DLG1: variants seen among roughly 807,000 people sequenced by gnomAD.
DLG1 encodes the protein disks large homolog 1.
DLG1 carries 42 observed loss-of-function variants against 123.4 expected under a neutral mutation model. The ratio of observed to expected loss-of-function variants is 0.34; its 90% CI spans 0.27 to 0.44. The LOEUF is 0.44. DLG1 is among the 20% of genes least tolerant of loss of function. DLG1 has a pLI of 1.00. For missense variants in DLG1, 942 were observed against 1,082.6 expected, an observed-to-expected ratio of 0.87 and a Z score of 1.82; for synonymous variants, 317 against 356.2, an observed-to-expected ratio of 0.89 and a Z score of 1.24.
At chr3:197,208,312 T>A (rs937953714) in intron 4 of DLG1, among the ~76,000 whole-genome samples, 1 of 146,682 alleles carries the variant, frequency 6.8e-6, no homozygotes, top group Non-Finnish European at 1.5e-5. Context: ...CTGTGGAGTG[T>A]ACACTGGTAC....
chr3:197,242,583 A>ATATC (rs922645586), intron 4 of DLG1, among the ~76,000 whole-genome samples: 3 of 152,078 alleles, frequency 2.0e-5, no homozygotes, highest in African/African-American at 7.2e-5. Context: ...ATCATATCAA[A>ATATC]TATCTTTTCT....
At chr3:197,281,698 T>C (rs1176024889) in intron 4 of DLG1, among the ~76,000 whole-genome samples, 2 of 152,034 alleles carry the variant, frequency 1.3e-5, no homozygotes, top group African/African-American at 2.4e-5. Context: ...GAACTGTGAG[T>C]TGGGTGTTAA....
intron 17 of DLG1, among the ~76,000 whole-genome samples, chr3:197,079,425 C>T (rs1287326169): frequency 6.6e-6 from 1 of 152,152 alleles, no homozygotes; most frequent in Non-Finnish European, 1.5e-5. Context: ...TGATCAATGG[C>T]AAGCGTATTT....
intron 3 of DLG1, among the ~76,000 whole-genome samples, chr3:197,286,236 G>A (rs983146346): frequency 8.5e-5 from 13 of 152,152 alleles, no homozygotes; most frequent in East Asian, 1.9e-4. Context: ...GTGGGGTACC[G>A]GAGAAGAAGA....
At chr3:197,291,382 T>C (rs1168095853) in intron 3 of DLG1, among the ~76,000 whole-genome samples, 1 of 151,664 alleles carries the variant, frequency 6.6e-6, no homozygotes, top group East Asian at 1.9e-4. Flanking sequence ...GGGACTAATA[T>C]AATGCAAAAG....
chr3:197,174,402 C>G (rs1285741381), intron 5 of DLG1, among the ~76,000 whole-genome samples: 1 of 152,126 alleles, frequency 6.6e-6, no homozygotes, highest in Non-Finnish European at 1.5e-5. Flanking sequence ...ACCTACAGTT[C>G]TTTAAAATAT....
At chr3:197,152,096 C>A (rs1794159843) in intron 5 of DLG1, among the ~76,000 whole-genome samples, 2 of 152,134 alleles carry the variant, frequency 1.3e-5, no homozygotes, top group Non-Finnish European at 2.9e-5. Context: ...AACATATTTT[C>A]TTTTATATTA....
intron 3 of DLG1, among the ~76,000 whole-genome samples, chr3:197,291,997 G>A (rs1775170935): frequency 6.6e-6 from 1 of 152,166 alleles, no homozygotes; most frequent in Admixed American, 6.6e-5. Flanking sequence ...GGAGAAACTG[G>A]AAATCCTGTG....
chr3:197,115,822 C>T, intron 13 of DLG1, 105 bp downstream of exon 13: 3 of 1,102,272 alleles, frequency 2.7e-6, no homozygotes, highest in East Asian at 2.6e-5. Flanking sequence ...AAGAAGATAA[C>T]CAAGATATCC....
At chr3:197,114,023 A>G (rs1393627014) in intron 13 of DLG1, among the ~76,000 whole-genome samples, 1 of 152,204 alleles carries the variant, frequency 6.6e-6, no homozygotes, top group Non-Finnish European at 1.5e-5. Flanking sequence ...AGAAAAAAGA[A>G]AAGAAAATTT....
intron 23 of DLG1, among the ~76,000 whole-genome samples, chr3:197,057,269 C>T (rs759843513): frequency 2.0e-5 from 3 of 152,108 alleles, no homozygotes; most frequent in Admixed American, 1.3e-4. Flanking sequence ...TCTGTAGAGA[C>T]AGGATTGTGC....
At position 197,296,477 on chromosome 3, in the gene DLG1, T is replaced by A; in HGVS notation, c.20A>T (p.Asp7Val). The change falls in exon 3 of 25, where the codon GAT becomes GTT. Residue 7 changes from aspartate (D) to valine (V), a missense_variant and splice_region_variant. Transcript: ENST00000667157. Reference protein sequence around the residue: MPVRKQDTQRALHLLEE... With the variant: MPVRKQVTQRALHLLEE... ...CAAAAGGTGCAATGCTCTCTGGGTATCTGAGAAGAAAAAGCAGAGCCTGAT... is the reference window on the plus strand; with the variant it reads ...CAAAAGGTGCAATGCTCTCTGGGTAACTGAGAAGAAAAAGCAGAGCCTGAT... 11 of 1,613,246 alleles carry A rather than the reference T, an allele frequency of 6.8e-6. No individual in the cohort carries two copies. Among genetic ancestry groups the A allele is most frequent in the Non-Finnish European group, 9.3e-6 (11 of 1,179,552 alleles).
chr3:197,276,686 T>C (rs1766581763), intron 4 of DLG1, among the ~76,000 whole-genome samples: 1 of 152,046 alleles, frequency 6.6e-6, no homozygotes, highest in Non-Finnish European at 1.5e-5. Flanking sequence ...ATGTGACAAA[T>C]TTTCATCCTA....
At chr3:197,093,762 C>G (rs1033568602) in intron 14 of DLG1, among the ~76,000 whole-genome samples, 2 of 152,064 alleles carry the variant, frequency 1.3e-5, no homozygotes, top group African/African-American at 2.4e-5. Flanking sequence ...CTTATTTATT[C>G]AAGCTTTTAA....
In DLG1 at chr3:197,115,919, T is replaced by A; in HGVS notation, c.1443+8A>T. ...AACAAAAACGTGATCTTGACTAACG[T>A]GTCTTACCGATATAATACGATCTCC... On this transcript the variant is annotated splice_region_variant and intron_variant, in intron 13 of 24. Coordinates refer to ENST00000667157, the MANE Select transcript of DLG1 (RefSeq NM_001366207.1). 6.2e-7 allele frequency: 1 copy of A among 1,608,076 alleles called. No homozygotes were observed. The highest frequency in any genetic ancestry group is 8.5e-7 in the Non-Finnish European group (1 of 1,178,360).
chr3:197,044,650 G>A lies in DLG1; in HGVS notation c.2655C>T (p.Ile885=), dbSNP rs199781716. 142 of 1,609,356 alleles carry A rather than the reference G, an allele frequency of 8.8e-5. 1 individual carries two copies. Among genetic ancestry groups the A allele is most frequent in the Middle Eastern group, 8.3e-4 (5 of 6,046 alleles). Residue 885 remains isoleucine (I), a synonymous_variant, in exon 25 of 25, where the codon ATC becomes ATT. Transcript: ENST00000667157. ...ATAGCTTTTCTTTTGCCGGAACCCA[G>A]ATGTAAGAACCAGATTGTTCTTCTA... ...QIIEEQSGSY[I]WVPAKEKL
At chr3:197,139,373 T>C (rs1225068701) in intron 8 of DLG1, among the ~76,000 whole-genome samples, 1 of 152,200 alleles carries the variant, frequency 6.6e-6, no homozygotes, top group Non-Finnish European at 1.5e-5. Flanking sequence ...CCACCTGTCA[T>C]ACCCAGTGAG....
chr3:197,273,566 C>T (rs1469452845), intron 4 of DLG1, among the ~76,000 whole-genome samples: 1 of 151,962 alleles, frequency 6.6e-6, no homozygotes, highest in African/African-American at 2.4e-5. Flanking sequence ...CTACTGCCTC[C>T]TAAAACTCCA....
intron 18 of DLG1, chr3:197,069,939 AT>A (rs1252815364): frequency 6.6e-6 from 1 of 152,162 alleles, no homozygotes; most frequent in Non-Finnish European, 1.5e-5. Context: ...ACCAACTAAT[AT>A]TTCTTAGAAA....
Sources: gnomAD v4.1 joint callset for allele counts (sites outside exome capture counted in the v4.1 genomes callset) on GRCh38, gnomAD v4.1.1 for gene constraint, MANE v1.5 for transcripts, NCBI Gene and HGNC (gene_info 2026-07-23, HGNC 2026-07-21) for gene names.